The following EGF variants were observed in gnomAD, a reference collection of about 807,000 sequenced individuals.
EGF encodes the protein epidermal growth factor.
In EGF, 95 loss-of-function variants were observed where a neutral mutation model predicts 143.8. The observed-to-expected ratio is 0.66, with a 90% CI of 0.56 to 0.78. The LOEUF (loss-of-function observed/expected upper bound fraction) is 0.78, where lower values mean the gene tolerates loss of function less well. Ranked by LOEUF, EGF falls within the 30% of genes least tolerant of loss-of-function variation. The pLI, the probability that EGF is intolerant of heterozygous loss-of-function variation, is 0.00. For missense variants in EGF, 1,320 were observed against 1,470.9 expected (o/e 0.90, Z 1.68); for synonymous variants, 510 against 510.5 (o/e 1.00, Z 0.01).
chr4:109,974,044 T>C (rs1748084465), intron 11 of EGF, among the ~76,000 whole-genome samples: 1 of 152,136 alleles, frequency 6.6e-6, no homozygotes, highest in African/African-American at 2.4e-5. Flanking sequence ...TAAAAACCAA[T>C]AACTTATAAC....
At chr4:109,929,857 G>T (rs759632506) in intron 1 of EGF, among the ~76,000 whole-genome samples, 1 of 152,160 alleles carries the variant, frequency 6.6e-6, no homozygotes, top group African/African-American at 2.4e-5. Flanking sequence ...GCTGTGAAAA[G>T]AAATTTGTGC....
At chr4:109,985,309 A>G (rs1404844267) in intron 16 of EGF, among the ~76,000 whole-genome samples, 1 of 152,208 alleles carries the variant, frequency 6.6e-6, no homozygotes, top group African/African-American at 2.4e-5. Context: ...TTGGGGGTCT[A>G]ATTTCTGTTT....
chr4:109,944,066 C>A lies in EGF; in HGVS notation c.734C>A (p.Thr245Lys). 6.2e-7 allele frequency: 1 copy of A among 1,613,406 alleles called. No individual in the cohort carries two copies. The highest frequency in any genetic ancestry group is 8.5e-7 in the Non-Finnish European group (1 of 1,179,460). ...TCTGTCCACATTAGTAAACATCCAA[C>A]ACAGTAAGTTTTACTCTTGGTATAA... ...GGSVHISKHP[T>K]QHNLFAMSLF... The change falls in exon 4 of 24, where the codon ACA becomes AAA. Residue 245 changes from threonine (T) to lysine (K), a missense_variant. By Grantham distance (78) the Thr-to-Lys change is moderately conservative (BLOSUM62 -1). Transcript: ENST00000265171.
intron 23 of EGF, among the ~76,000 whole-genome samples, chr4:110,009,029 T>A (rs890348127): frequency 2.6e-5 from 4 of 152,200 alleles, no homozygotes; most frequent in African/African-American, 9.6e-5. Flanking sequence ...TTTCTATATT[T>A]TTCCTTCTTC....
chr4:110,003,893 G>A (rs1049536713), intron 21 of EGF, among the ~76,000 whole-genome samples: 3 of 152,112 alleles, frequency 2.0e-5, no homozygotes, highest in Non-Finnish European at 4.4e-5. Flanking sequence ...AGAGATTGCA[G>A]TGGGCCAGTA....
rs751169652 is a variant in EGF, at chr4:109,976,191, A to G, written c.2009A>G (p.Asn670Ser). ...AAGCAGTCTGTGATTGAAATGGCCA[A>G]TCTGGATGGTTCAAAACGCCGAAGA... ...DAKQSVIEMA[N>S]LDGSKRRRLT... Residue 670 changes from asparagine (N) to serine (S), a missense_variant, in exon 13 of 24, where the codon AAT becomes AGT. This residue lies in a region of EGF where 1,186 missense variants were observed against 1,313.7 expected (regional missense o/e 0.90). Coordinates refer to ENST00000265171, the MANE Select transcript of EGF (RefSeq NM_001963.6). The G allele has an allele frequency of 3.7e-6, 6 of 1,614,092 alleles. No individual in the cohort carries two copies. The highest frequency in any genetic ancestry group is 4.2e-6 in the Non-Finnish European group (5 of 1,180,006).
intron 11 of EGF, 71 bp from the exon 12 acceptor site, chr4:109,974,632 G>C (rs376631395): frequency 8.8e-7 from 1 of 1,130,458 alleles, no homozygotes; most frequent in Non-Finnish European, 1.3e-6. Context: ...TTCAGAAAGA[G>C]GAGAAAGGAG....
chr4:109,913,328 T>A lies in EGF; in HGVS notation c.-8T>A, dbSNP rs1736027767. 1 of 1,613,660 alleles carries A rather than the reference T, an allele frequency of 6.2e-7. No homozygotes were observed. Among genetic ancestry groups the A allele is most frequent in the Admixed American group, 1.7e-5 (1 of 59,986 alleles). On this transcript the variant is annotated 5_prime_UTR_variant, in exon 1 of 24. Transcript: ENST00000265171. ...GTTTTCTTTTGAAAGTTCAAACTCATCAAGATTATGCTGCTCACTCTTATC... is the reference window on the plus strand; with the variant it reads ...GTTTTCTTTTGAAAGTTCAAACTCAACAAGATTATGCTGCTCACTCTTATC...
Position 109,960,878 on chromosome 4 carries a change from T to C in EGF, c.1078T>C (p.Cys360Arg). The C allele has an allele frequency of 2.5e-6, 4 of 1,613,984 alleles. No homozygotes were observed. Among genetic ancestry groups the C allele is most frequent in the Non-Finnish European group, 2.5e-6 (3 of 1,179,894 alleles). The change falls in exon 7 of 24, where the codon TGT (cysteine) becomes CGT (arginine). Residue 360 changes from cysteine to arginine, a missense_variant. By Grantham distance (180) the Cys-to-Arg change is radical. Coordinates refer to ENST00000265171, the MANE Select transcript of EGF (RefSeq NM_001963.6). Reference sequence around the variant, plus strand: ...TTGTCATTGTGCAGATGTTAATGAATGTGCTTTTTGGAATCATGGCTGTAC... The same window carrying C: ...TTGTCATTGTGCAGATGTTAATGAACGTGCTTTTTGGAATCATGGCTGTAC... Reference protein sequence around the residue: ...DRKYCEDVNECAFWNHGCTLG... With the variant: ...DRKYCEDVNERAFWNHGCTLG...
chr4:109,930,720 C>T (rs1478245036), intron 1 of EGF, among the ~76,000 whole-genome samples: 1 of 152,220 alleles, frequency 6.6e-6, no homozygotes. Flanking sequence ...CTCCCTCAGA[C>T]TCACAGAGGA....
intron 9 of EGF, 32 bp downstream of exon 9, chr4:109,963,330 C>A: frequency 6.2e-7 from 1 of 1,612,912 alleles, no homozygotes; most frequent in South Asian, 1.1e-5. Flanking sequence ...AACTGTGTCC[C>A]TGAAAAAAAA....
chr4:110,007,942 C>T (rs968098456), intron 22 of EGF, among the ~76,000 whole-genome samples: 5 of 152,096 alleles, frequency 3.3e-5, no homozygotes, highest in African/African-American at 7.2e-5. Context: ...TATTGGTGTG[C>T]CTAGTTGCTT....
At chr4:109,974,556 GAA>G (rs1161186799) in intron 11 of EGF, 145 bp from the exon 12 acceptor site, 5 of 634,718 alleles carry the variant, frequency 7.9e-6, no homozygotes, top group Middle Eastern at 4.3e-4. Flanking sequence ...GGGGGAGAGA[GAA>G]AGAGTAAGAG....
At chr4:109,932,383 T>TATAAA in intron 1 of EGF, among the ~76,000 whole-genome samples, 1 of 86,718 alleles carries the variant, frequency 1.2e-5, no homozygotes, top group East Asian at 4.7e-4. Context: ...ATATAAATTT[T>TATAAA]TTTTTTTTTT....
At chr4:109,934,636 C>A (rs1275653990) in intron 1 of EGF, among the ~76,000 whole-genome samples, 1 of 152,126 alleles carries the variant, frequency 6.6e-6, no homozygotes, top group Non-Finnish European at 1.5e-5. Context: ...AGTCTTTGCC[C>A]ATGCCTATGT....
At chr4:109,957,404 C>T (rs780173965) in intron 5 of EGF, among the ~76,000 whole-genome samples, 2 of 152,176 alleles carry the variant, frequency 1.3e-5, no homozygotes, top group Non-Finnish European at 2.9e-5. Flanking sequence ...TGATGTTAAC[C>T]AATCCACTAT....
rs1745273657 is a variant in EGF at position 109,959,161 on chromosome 4, G to A, written c.941-151G>A. The A allele has an allele frequency of 3.2e-6, 4 of 1,235,772 alleles. No individual in the cohort carries two copies. The Admixed American group carries it at 6.6e-5, about 20-fold the overall frequency. 76.6% of individuals were successfully genotyped at this position (1,235,772 alleles called of 1,614,324 possible). On this transcript the variant is annotated intron_variant, in intron 5 of 23. Coordinates refer to ENST00000265171, the MANE Select transcript of EGF (RefSeq NM_001963.6). Reference sequence around the variant, plus strand: ...GAAAAAAGTGGGCTTCGGGATGCTGGGGAATCTGGGCTCTGGCTAAGTTTG... The same window carrying A: ...GAAAAAAGTGGGCTTCGGGATGCTGAGGAATCTGGGCTCTGGCTAAGTTTG...
At chr4:109,981,076 T>C in intron 15 of EGF, 101 bp downstream of exon 15, 2 of 1,523,384 alleles carry the variant, frequency 1.3e-6, no homozygotes, top group Non-Finnish European at 1.8e-6. Flanking sequence ...TTTTGGATGT[T>C]AAAAGTTCTC....
intron 23 of EGF, 35 bp downstream of exon 23, chr4:110,008,265 A>AT: frequency 6.2e-7 from 1 of 1,612,004 alleles, no homozygotes; most frequent in Non-Finnish European, 8.5e-7. Flanking sequence ...GTGAATGGTT[A>AT]TTTTTACTTA....
Sources: gnomAD v4.1 joint callset for allele counts (sites outside exome capture counted in the v4.1 genomes callset) on GRCh38, gnomAD v4.1.1 for gene constraint, gnomAD v4.1.1 regional missense constraint, MANE v1.5 for transcripts, NCBI Gene and HGNC (gene_info 2026-07-23, HGNC 2026-07-21) for gene names.